The following LEPROT variants were observed in gnomAD, a reference collection of about 807,000 sequenced individuals.
The protein encoded by LEPROT is leptin receptor gene-related protein.
A neutral mutation model predicts 15.4 loss-of-function variants in LEPROT; 3 were observed. The observed-to-expected ratio is 0.19, with a 90% CI of 0.09 to 0.50. LEPROT has a LOEUF of 0.50. Among genes scored for constraint, LEPROT ranks in the 20% least tolerant of loss-of-function variants. The pLI is 0.97. For missense variants in LEPROT, 137 were observed against 162.2 expected (o/e 0.84, Z 0.84); for synonymous variants, 59 against 57.5 (o/e 1.03, Z -0.12).
Position 65,434,356 on chromosome 1 carries a change from C to A in LEPROT, c.*2437C>A, listed in dbSNP as rs1391458126. 1 of 985,030 alleles carries A rather than the reference C, an allele frequency of 1.0e-6. No individual in the cohort carries two copies. The highest frequency in any genetic ancestry group is 1.2e-6 in the Non-Finnish European group (1 of 829,840). 61.0% of individuals were successfully genotyped at this position (985,030 alleles called of 1,614,324 possible). ...ATATTGTACAATATATTTGGAGATT[C>A]AGAGCATAGTGACTATAGTCGAAAA... is the stretch of plus-strand genomic sequence containing the variant. On this transcript the variant is annotated 3_prime_UTR_variant, in exon 4 of 4. Coordinates refer to ENST00000371065, the MANE Select transcript of LEPROT (RefSeq NM_017526.5).
In LEPROT at chr1:65,434,653, C is replaced by T; in HGVS notation, c.*2734C>T. The T allele has an allele frequency of 1.0e-6, 1 of 985,390 alleles. No homozygotes were observed. Among genetic ancestry groups the T allele is most frequent in the Non-Finnish European group, 1.2e-6 (1 of 829,944 alleles). 61.0% of individuals were successfully genotyped at this position (985,390 alleles called of 1,614,324 possible). On this transcript the variant is annotated 3_prime_UTR_variant, in exon 4 of 4. Coordinates refer to ENST00000371065, the MANE Select transcript of LEPROT (RefSeq NM_017526.5). The stretch of plus-strand genomic sequence containing the variant: ...TTGGAGGAAGGACAGTGCAACTTTC[C>T]ACCCCTTTTCCTAAGAACAAGGTCT...
rs115177898 is a variant in LEPROT, at chr1:65,424,993, A to G, written c.17-310A>G. ...CTGTAACGGGTCAAATGTAACCTCAATAAAATGAGTAAATTGCTACATTTG... is the reference window on the plus strand; with the variant it reads ...CTGTAACGGGTCAAATGTAACCTCAGTAAAATGAGTAAATTGCTACATTTG... On this transcript the variant is annotated intron_variant, in intron 1 of 3. Transcript: ENST00000371065. Among the ~76,000 whole-genome samples the G allele has an allele frequency of 3.7e-3, 570 of 152,356 alleles. 5 individuals are homozygous for G. Among genetic ancestry groups the G allele is most frequent in the African/African-American group, 0.013 (556 of 41,584 alleles).
At position 65,426,662 on chromosome 1, in the gene LEPROT, T is replaced by C. The variant is rs550765409; in HGVS notation, c.92+1284T>C. On this transcript the variant is annotated intron_variant, in intron 2 of 3. Coordinates refer to ENST00000371065, the MANE Select transcript of LEPROT (RefSeq NM_017526.5). ...AGGATTCAACAAGGAGGGAGAGTTCTTAGATGTCTCCCAGGTGATTGGCTT... is the reference window on the plus strand; with the variant it reads ...AGGATTCAACAAGGAGGGAGAGTTCCTAGATGTCTCCCAGGTGATTGGCTT... 5.9e-5 allele frequency among the ~76,000 whole-genome samples: 9 copies of C among 152,258 alleles called. No homozygotes were observed. The South Asian group carries it at 1.9e-3, about 32-fold the overall frequency.
At position 65,433,820 on chromosome 1, in the gene LEPROT, A is replaced by AT. The variant is rs1341273594; in HGVS notation, c.*1908dup. 2.0e-6 allele frequency: 2 copies of AT among 982,294 alleles called. No individual in the cohort carries two copies. The highest frequency in any genetic ancestry group is 1.7e-5 in the African/African-American group (1 of 57,144). The allele number at this position is 982,294 out of a possible 1,614,324, so 60.8% of individuals were successfully genotyped here. A position where few individuals can be genotyped will look rare whatever the true frequency, so the allele number is the denominator to read the frequency against. ...TTAACTTTAAAAGTTTAACTTTAAA[A>AT]TTTTTTTGTGATGTTGCCTTGCCTG... On this transcript the variant is annotated 3_prime_UTR_variant, in exon 4 of 4. Transcript: ENST00000371065.
chr1:65,429,494 A>G (rs1231682198), intron 2 of LEPROT, among the ~76,000 whole-genome samples: 1 of 152,222 alleles, frequency 6.6e-6, no homozygotes, highest in African/African-American at 2.4e-5. Context: ...CGTGCACTCA[A>G]AAGATCTTTA....
intron 1 of LEPROT, among the ~76,000 whole-genome samples, chr1:65,422,684 G>A (rs1019678303): frequency 1.3e-5 from 2 of 152,244 alleles, no homozygotes; most frequent in African/African-American, 2.4e-5. Context: ...AGGACAGCAC[G>A]TGACATGGCG....
At chr1:65,422,439 C>T (rs1646269352) in intron 1 of LEPROT, among the ~76,000 whole-genome samples, 1 of 152,214 alleles carries the variant, frequency 6.6e-6, no homozygotes, top group African/African-American at 2.4e-5. Flanking sequence ...ACCTTGATTT[C>T]AGAAGTCCAG....
intron 1 of LEPROT, among the ~76,000 whole-genome samples, chr1:65,424,290 C>G (rs955364638): frequency 6.6e-6 from 1 of 152,142 alleles, no homozygotes; most frequent in Non-Finnish European, 1.5e-5. Flanking sequence ...CAAATACTTG[C>G]AGTACTGTGG....
At chr1:65,424,327 A>G (rs1043686702) in intron 1 of LEPROT, among the ~76,000 whole-genome samples, 3 of 152,212 alleles carry the variant, frequency 2.0e-5, no homozygotes, top group South Asian at 4.1e-4. Flanking sequence ...GATCAAAGGT[A>G]TATATTACAG....
chr1:65,432,972 C>A lies in LEPROT; in HGVS notation c.*1053C>A, dbSNP rs969710296. On this transcript the variant is annotated 3_prime_UTR_variant, in exon 4 of 4. Coordinates refer to ENST00000371065, the MANE Select transcript of LEPROT (RefSeq NM_017526.5). ...AAAAAACAAAACATACTCTCTCCCC[C>A]AAAAAAACATCTCAGTGGGGAACAG... The A allele has an allele frequency of 9.1e-6, 9 of 985,034 alleles. No homozygotes were observed. In the Admixed American group the frequency reaches 5.5e-4, roughly 61 times the overall value. The allele number at this position is 985,034 out of a possible 1,614,324, so 61.0% of individuals were successfully genotyped here. A position where few individuals can be genotyped will look rare whatever the true frequency, so the allele number is the denominator to read the frequency against.
chr1:65,426,642 T>C (rs1646377445), intron 2 of LEPROT, among the ~76,000 whole-genome samples: 1 of 152,060 alleles, frequency 6.6e-6, no homozygotes, highest in African/African-American at 2.4e-5. Context: ...ATGTCAGGAT[T>C]CAACAAGGAG....
In LEPROT at chr1:65,421,208, G is replaced by C. The variant is rs1302833686; in HGVS notation, c.16+468G>C. The C allele has an allele frequency of 2.0e-5, 21 of 1,065,966 alleles. No homozygotes were observed. In the East Asian group the frequency reaches 5.6e-4, roughly 28 times the overall value. 66.0% of individuals were successfully genotyped at this position (1,065,966 alleles called of 1,614,324 possible). A position where few individuals can be genotyped will look rare whatever the true frequency, so the allele number is the denominator to read the frequency against. On this transcript the variant is annotated intron_variant, in intron 1 of 3. Transcript: ENST00000371065. Reference sequence around the variant, plus strand: ...ATGATTTTTCCAACTGGGCAGAGTTGACCGCGGGCGGGTGTCAATGGAAAG... The same window carrying C: ...ATGATTTTTCCAACTGGGCAGAGTTCACCGCGGGCGGGTGTCAATGGAAAG...
chr1:65,433,521 A>C lies in LEPROT; in HGVS notation c.*1602A>C. 2 of 985,436 alleles carry C rather than the reference A, an allele frequency of 2.0e-6. No individual in the cohort carries two copies. Among genetic ancestry groups the C allele is most frequent in the East Asian group, 1.1e-4 (1 of 8,822 alleles). 61.0% of individuals were successfully genotyped at this position (985,436 alleles called of 1,614,324 possible). A position where few individuals can be genotyped will look rare whatever the true frequency, so the allele number is the denominator to read the frequency against. ...TAAAGTATGAAACTGAAATACATTC[A>C]AAACACTTAATCCTTGAGGCTTGTG... On this transcript the variant is annotated 3_prime_UTR_variant, in exon 4 of 4. Transcript: ENST00000371065.
intron 1 of LEPROT, among the ~76,000 whole-genome samples, chr1:65,424,265 C>G (rs766497802): frequency 8.5e-5 from 13 of 152,186 alleles, no homozygotes; most frequent in Non-Finnish European, 1.6e-4. Flanking sequence ...CCTACAAAGA[C>G]ATGAAAACAA....
intron 1 of LEPROT, among the ~76,000 whole-genome samples, chr1:65,422,369 A>G (rs965221146): frequency 7.9e-6 from 1 of 126,312 alleles, no homozygotes; most frequent in South Asian, 2.8e-4. Context: ...GAGTGTTAGG[A>G]AGAGGCAAGG....
chr1:65,434,971 T>G lies in LEPROT; in HGVS notation c.*3052T>G. 1.0e-6 allele frequency: 1 copy of G among 985,490 alleles called. No individual in the cohort carries two copies. Among genetic ancestry groups the G allele is most frequent in the Non-Finnish European group, 1.2e-6 (1 of 829,990 alleles). The allele number at this position is 985,490 out of a possible 1,614,324, so 61.0% of individuals were successfully genotyped here. A position where few individuals can be genotyped will look rare whatever the true frequency, so the allele number is the denominator to read the frequency against. On this transcript the variant is annotated 3_prime_UTR_variant, in exon 4 of 4. Coordinates refer to ENST00000371065, the MANE Select transcript of LEPROT (RefSeq NM_017526.5). ...CTGAAATTCCTTTTGACACCTGCAT[T>G]GGGCCGACTGCCATTCCCATGACTG...
intron 1 of LEPROT, among the ~76,000 whole-genome samples, chr1:65,424,212 G>A (rs1646312741): frequency 6.6e-6 from 1 of 152,150 alleles, no homozygotes; most frequent in South Asian, 2.1e-4. Context: ...ATAGATACAG[G>A]GAATACATAT....
At chr1:65,422,889 A>G (rs550775101) in intron 1 of LEPROT, among the ~76,000 whole-genome samples, 1 of 152,172 alleles carries the variant, frequency 6.6e-6, no homozygotes, top group South Asian at 2.1e-4. Flanking sequence ...TGATATATAT[A>G]GTTGAAAGAT....
At chr1:65,431,780 A>G in intron 3 of LEPROT, 23 bp from the exon 4 acceptor site, 2 of 1,606,664 alleles carry the variant, frequency 1.2e-6, no homozygotes, top group Admixed American at 1.7e-5. Context: ...TAAGGATTTA[A>G]TCCTTCTTTT....
Sources: allele counts gnomAD v4.1 joint callset (sites outside exome capture counted in the v4.1 genomes callset), GRCh38; gene constraint gnomAD v4.1.1; transcripts MANE v1.5; gene names NCBI Gene and HGNC (gene_info 2026-07-23, HGNC 2026-07-21).